Variants in STX16 observed in about 807,000 individuals in gnomAD.
STX16 encodes the protein syntaxin-16.
STX16 carries 28 observed loss-of-function variants against 42.7 expected under a neutral mutation model. The observed-to-expected ratio is 0.66, with a 90% confidence interval of 0.49 to 0.90. STX16 has a LOEUF of 0.90. Ranked by LOEUF, STX16 falls within the 40% of genes least tolerant of loss-of-function variation. The probability of loss-of-function intolerance (pLI) is 0.00; values close to 1 mark genes in which losing one functional copy is unlikely to be tolerated. For synonymous variants in STX16, 156 were observed against 155.2 expected (o/e 1.00, Z -0.04); for missense variants, 361 against 420.9 (o/e 0.86, Z 1.24).
rs552727756 is a variant in STX16 at position 58,671,669 on chromosome 20, C to T, written c.792+372C>T. On this transcript the variant is annotated intron_variant, in intron 7 of 8. Coordinates refer to ENST00000371141, the MANE Select transcript of STX16 (RefSeq NM_001001433.3). ...AGCAGTTTAACAGTTACATGATTCT[C>T]ATTTAATCCCTCTGACTCTAGTGTT... 1.8e-4 allele frequency among the ~76,000 whole-genome samples: 28 copies of T among 152,176 alleles called. No homozygotes were observed. In the South Asian group the frequency reaches 5.8e-3, roughly 32 times the overall value.
chr20:58,674,077 T>C (rs1207907393), intron 8 of STX16, among the ~76,000 whole-genome samples: 1 of 152,238 alleles, frequency 6.6e-6, no homozygotes, highest in East Asian at 1.9e-4. Context: ...GTTGAAAATC[T>C]GTCTGCTTGT....
intron 7 of STX16, among the ~76,000 whole-genome samples, 175 bp downstream of exon 7, chr20:58,671,472 GTATATTAA>G (rs2083975299): frequency 1.0e-5 from 1 of 98,074 alleles, no homozygotes; most frequent in Non-Finnish European, 2.2e-5. Flanking sequence ...GTGTGTGTGT[GTATATTAA>G]TATTAATCAA....
At chr20:58,661,441 G>A (rs149474583) in intron 2 of STX16, among the ~76,000 whole-genome samples, 2 of 152,344 alleles carry the variant, frequency 1.3e-5, no homozygotes, top group Non-Finnish European at 2.9e-5. Flanking sequence ...GAGGCCCTGC[G>A]TAGAGAGCAC....
intron 1 of STX16, among the ~76,000 whole-genome samples, chr20:58,654,678 C>G (rs565668434): frequency 2.7e-4 from 41 of 152,208 alleles, no homozygotes; most frequent in African/African-American, 7.0e-4. Context: ...AGCCATGTAG[C>G]AAACCAAACA....
chr20:58,662,501 T>A (rs2083723482), intron 2 of STX16, among the ~76,000 whole-genome samples: 6 of 152,170 alleles, frequency 3.9e-5, no homozygotes, highest in Admixed American at 3.9e-4. Flanking sequence ...ATCTCTATAT[T>A]TTTTGTATCA....
chr20:58,651,999 G>C lies in STX16; in HGVS notation c.-8G>C, dbSNP rs760960769. 6.2e-7 allele frequency: 1 copy of C among 1,614,024 alleles called. No homozygotes were observed. The stretch of plus-strand genomic sequence containing the variant: ...GGCCCCTGAGAGGGGGGTCGCAAAG[G>C]GTGAGACATGGCCACCAGGCGTTTA... On this transcript the variant is annotated 5_prime_UTR_variant, in exon 1 of 9. Coordinates refer to ENST00000371141, the MANE Select transcript of STX16 (RefSeq NM_001001433.3).
chr20:58,671,284 T>C lies in STX16; in HGVS notation c.779T>C (p.Met260Thr), dbSNP rs1465476618. The change falls in exon 7 of 9, where the codon ATG (methionine) becomes ACG (threonine). Residue 260 changes from methionine to threonine, a missense_variant. Physicochemically the swap from Met to Thr is moderately conservative, Grantham distance 81. Transcript: ENST00000371141. ...GAAATATTCAGGGACTTAGGGGCGATGATTGTAGAACAGGTACGTGAGCTG... is the reference window on the plus strand; with the variant it reads ...GAAATATTCAGGGACTTAGGGGCGACGATTGTAGAACAGGTACGTGAGCTG... ...LNEIFRDLGAMIVEQGTVLDR... is the reference protein window; with the variant it reads ...LNEIFRDLGATIVEQGTVLDR... 1 of 1,612,666 alleles carries C rather than the reference T, an allele frequency of 6.2e-7. No homozygotes were observed. The highest frequency in any genetic ancestry group is 1.3e-5 in the African/African-American group (1 of 74,948).
intron 1 of STX16, among the ~76,000 whole-genome samples, chr20:58,654,018 A>G (rs2083532746): frequency 6.6e-6 from 1 of 152,160 alleles, no homozygotes; most frequent in African/African-American, 2.4e-5. Flanking sequence ...TTAAAAATGG[A>G]TAGTTAACGT....
intron 7 of STX16, 67 bp from the exon 8 acceptor site, chr20:58,673,564 T>G: frequency 1.8e-6 from 2 of 1,092,132 alleles, no homozygotes; most frequent in Non-Finnish European, 2.8e-6. Flanking sequence ...TTTGCATATC[T>G]CATTTTTGAC....
chr20:58,663,970 G>T (rs925956848), intron 2 of STX16, among the ~76,000 whole-genome samples: 1 of 152,196 alleles, frequency 6.6e-6, no homozygotes, highest in East Asian at 1.9e-4. Context: ...GAGCCACCAT[G>T]GCCAGCTGCA....
intron 2 of STX16, among the ~76,000 whole-genome samples, chr20:58,663,194 G>A (rs1021489197): frequency 6.6e-6 from 1 of 152,136 alleles, no homozygotes; most frequent in African/African-American, 2.4e-5. Flanking sequence ...TTTTTAGATG[G>A]GGAGGAGGTG....
At chr20:58,664,305 T>A (rs1033072663) in intron 2 of STX16, among the ~76,000 whole-genome samples, 4 of 152,238 alleles carry the variant, frequency 2.6e-5, no homozygotes, top group Non-Finnish European at 4.4e-5. Context: ...GTACATACTG[T>A]GATACACATT....
intron 2 of STX16, among the ~76,000 whole-genome samples, chr20:58,666,735 C>T (rs888428830): frequency 3.9e-5 from 6 of 152,084 alleles, no homozygotes; most frequent in Non-Finnish European, 8.8e-5. Context: ...AGCCGATTTC[C>T]CTCCCATTCT....
intron 8 of STX16, among the ~76,000 whole-genome samples, chr20:58,675,620 G>A (rs1399242759): frequency 2.0e-5 from 3 of 152,298 alleles, no homozygotes; most frequent in East Asian, 3.9e-4. Context: ...CGCCTCAGAG[G>A]GATCTTTCTG....
Position 58,655,302 on chromosome 20 carries a change from C to T in STX16, c.132+3164C>T, listed in dbSNP as rs532058571. On this transcript the variant is annotated intron_variant, in intron 1 of 8. Coordinates refer to ENST00000371141, the MANE Select transcript of STX16 (RefSeq NM_001001433.3). ...ATCATACACCTCAAAGCAAAGCACACCTAAAGCCATGCCATTCAAAAAATT... is the reference window on the plus strand; with the variant it reads ...ATCATACACCTCAAAGCAAAGCACATCTAAAGCCATGCCATTCAAAAAATT... Among the ~76,000 whole-genome samples the T allele has an allele frequency of 4.6e-5, 7 of 152,178 alleles. No homozygotes were observed. The South Asian group carries it at 1.5e-3, about 32-fold the overall frequency.
At chr20:58,669,143 C>A in intron 4 of STX16, 148 bp from the exon 5 acceptor site, 1 of 769,646 alleles carries the variant, frequency 1.3e-6, no homozygotes, top group Non-Finnish European at 2.0e-6. Context: ...ATAAATGAAG[C>A]CACAGATTCC....
rs779324517 is a variant in STX16, at chr20:58,671,419, G to A, written c.792+122G>A. The A allele has an allele frequency of 3.5e-4, 239 of 675,628 alleles. 2 individuals are homozygous for A. Among genetic ancestry groups the A allele is most frequent in the Non-Finnish European group, 4.9e-4 (214 of 433,820 alleles). The allele number at this position is 675,628 out of a possible 1,614,324, so 41.9% of individuals were successfully genotyped here. A position where few individuals can be genotyped will look rare whatever the true frequency, so the allele number is the denominator to read the frequency against. ...ATTTTCCCAACATGTGTGTGCACCT[G>A]TCCTTTATGTGTGTGTGGGTGTGTG... On this transcript the variant is annotated intron_variant, in intron 7 of 8. Transcript: ENST00000371141.
chr20:58,654,596 T>G (rs1248489720), intron 1 of STX16, among the ~76,000 whole-genome samples: 1 of 152,228 alleles, frequency 6.6e-6, no homozygotes, highest in Non-Finnish European at 1.5e-5. Flanking sequence ...TGAGTAACTC[T>G]TAGCAATGCT....
chr20:58,676,134 T>A, intron 8 of STX16, 53 bp from the exon 9 acceptor site: 1 of 1,497,692 alleles, frequency 6.7e-7, no homozygotes. Flanking sequence ...GAGTGGGACT[T>A]GATTTGGGAT....
Sources: gnomAD v4.1 joint callset for allele counts (sites outside exome capture counted in the v4.1 genomes callset) on GRCh38, gnomAD v4.1.1 for gene constraint, MANE v1.5 for transcripts, NCBI Gene and HGNC (gene_info 2026-07-23, HGNC 2026-07-21) for gene names.